The following GALM variants were observed in gnomAD, a reference collection of about 807,000 sequenced individuals.
GALM encodes aldose 1-epimerase.
Under a neutral mutation model 37.4 loss-of-function variants are expected in GALM, and 43 were observed. The observed-to-expected ratio is 1.15, with a 90% confidence interval of 0.90 to 1.48. The LOEUF is 1.48. GALM is among the 40% of genes most tolerant of loss of function. The pLI is 0.00. For synonymous variants in GALM, 199 were observed against 170.6 expected (o/e 1.17, Z -1.30); for missense variants, 456 against 419.1 (o/e 1.09, Z -0.77).
intron 4 of GALM, among the ~76,000 whole-genome samples, chr2:38,699,724 A>G (rs1665878973): frequency 4.6e-5 from 7 of 152,154 alleles, no homozygotes; most frequent in Admixed American, 4.6e-4. Flanking sequence ...ATTTCTGTGT[A>G]TTTGTACAAT....
At chr2:38,694,595 T>A (rs1388194552) in intron 4 of GALM, among the ~76,000 whole-genome samples, 5 of 152,046 alleles carry the variant, frequency 3.3e-5, no homozygotes, top group African/African-American at 1.2e-4. Context: ...CTTGTCAGTC[T>A]GACAAGAAAG....
In GALM at chr2:38,703,049, G is replaced by C. The variant is rs180971551; in HGVS notation, c.634+13155G>C. 6.1e-3 allele frequency among the ~76,000 whole-genome samples: 340 copies of C among 55,826 alleles called. 8 individuals are homozygous for C. The highest frequency in any genetic ancestry group is 0.021 in the African/African-American group (305 of 14,434). The allele number at this position is 55,826 out of a possible 152,430, so 36.6% of individuals were successfully genotyped here. On this transcript the variant is annotated intron_variant, in intron 4 of 6. Coordinates refer to ENST00000272252, the MANE Select transcript of GALM (RefSeq NM_138801.3). ...GGAGGCTGAGGTGGGATGATATGTGGGATTTTATATATATATATATATATA... is the reference window on the plus strand; with the variant it reads ...GGAGGCTGAGGTGGGATGATATGTGCGATTTTATATATATATATATATATA...
intron 4 of GALM, chr2:38,698,526 AG>A: frequency 1.1e-5 from 7 of 615,306 alleles, no homozygotes; most frequent in Non-Finnish European, 1.5e-5. Flanking sequence ...AAAAAAAAAA[AG>A]GAAAAAAATG....
chr2:38,709,819 C>A (rs150920776), intron 4 of GALM, among the ~76,000 whole-genome samples: 2,701 of 152,308 alleles, frequency 0.018, 82 homozygotes, highest in African/African-American at 0.061. Flanking sequence ...TAACAACAGG[C>A]ATTCTAGAGA....
chr2:38,730,851 G>A (rs1040562646), intron 5 of GALM, among the ~76,000 whole-genome samples: 3 of 151,738 alleles, frequency 2.0e-5, no homozygotes, highest in Admixed American at 2.0e-4. Context: ...AACCCAGGGG[G>A]TGGAAGTTGT....
At chr2:38,731,084 G>A (rs1035552379) in intron 5 of GALM, among the ~76,000 whole-genome samples, 5 of 151,696 alleles carry the variant, frequency 3.3e-5, no homozygotes, top group African/African-American at 4.9e-5. Flanking sequence ...AAAATTAGCC[G>A]GATGTGGTGG....
chr2:38,718,353 C>T (rs1178439403), intron 4 of GALM, among the ~76,000 whole-genome samples: 2 of 151,458 alleles, frequency 1.3e-5, no homozygotes, highest in Non-Finnish European at 2.9e-5. Context: ...GTGCCACCAC[C>T]TCGCCCAGCT....
intron 4 of GALM, among the ~76,000 whole-genome samples, chr2:38,699,068 C>T (rs1423966795): frequency 2.6e-5 from 4 of 152,106 alleles, no homozygotes; most frequent in Admixed American, 2.6e-4. Flanking sequence ...CGCCCACCAC[C>T]ATGCCCAGCT....
chr2:38,681,184 AT>A, intron 2 of GALM, 95 bp from the exon 3 acceptor site: 1 of 1,028,326 alleles, frequency 9.7e-7, no homozygotes, highest in Admixed American at 1.8e-5. Context: ...TTGTATAACC[AT>A]TTTCCTTGTG....
At chr2:38,668,842 G>A (rs1238004706) in intron 1 of GALM, 1 of 151,616 alleles carries the variant, frequency 6.6e-6, no homozygotes, top group African/African-American at 2.4e-5. Flanking sequence ...CAGAATAAGG[G>A]GTTATCTTGA....
chr2:38,733,105 C>T (rs1666639678), intron 6 of GALM, among the ~76,000 whole-genome samples: 1 of 151,378 alleles, frequency 6.6e-6, no homozygotes, highest in African/African-American at 2.4e-5. Context: ...CCTGTGATCC[C>T]AGCTACTCTG....
chr2:38,685,223 T>C (rs778295145), intron 3 of GALM, among the ~76,000 whole-genome samples: 1 of 152,192 alleles, frequency 6.6e-6, no homozygotes, highest in Non-Finnish European at 1.5e-5. Flanking sequence ...GCCATGATGA[T>C]TGGCTTAGAC....
chr2:38,713,771 G>T (rs1438457314), intron 4 of GALM, among the ~76,000 whole-genome samples: 1 of 152,054 alleles, frequency 6.6e-6, no homozygotes, highest in Non-Finnish European at 1.5e-5. Context: ...TGGGCATGGT[G>T]GCACACACCT....
intron 1 of GALM, among the ~76,000 whole-genome samples, chr2:38,670,418 G>T (rs1371616171): frequency 6.6e-6 from 1 of 151,904 alleles, no homozygotes; most frequent in African/African-American, 2.4e-5. Context: ...CAGGGATGAG[G>T]AAAAAAAAGG....
intron 4 of GALM, among the ~76,000 whole-genome samples, chr2:38,694,913 C>G (rs7583347): frequency 7.5e-6 from 1 of 132,982 alleles, no homozygotes; most frequent in African/African-American, 3.0e-5. Context: ...AAAAAAAAAA[C>G]AAAAAAAGAA....
chr2:38,703,315 AG>A (rs1381413348), intron 4 of GALM, among the ~76,000 whole-genome samples: 1 of 150,664 alleles, frequency 6.6e-6, no homozygotes, highest in Non-Finnish European at 1.5e-5. Context: ...CATGTTGGTC[AG>A]GCTGGTCTCT....
chr2:38,682,561 C>T lies in GALM; in HGVS notation c.552+1075C>T, dbSNP rs556510820. Among the ~76,000 whole-genome samples the T allele has an allele frequency of 3.9e-5, 6 of 152,262 alleles. No homozygotes were observed. The East Asian group carries it at 5.8e-4, about 15-fold the overall frequency. On this transcript the variant is annotated intron_variant, in intron 3 of 6. Coordinates refer to ENST00000272252, the MANE Select transcript of GALM (RefSeq NM_138801.3). The stretch of plus-strand genomic sequence containing the variant: ...TTTAAAAAAGTTGACCCTTCACTTG[C>T]GGGTTCCTTATCCTCAGGAACTTTC...
intron 4 of GALM, among the ~76,000 whole-genome samples, chr2:38,724,583 C>T (rs1213558113): frequency 6.6e-6 from 1 of 152,146 alleles, no homozygotes; most frequent in African/African-American, 2.4e-5. Context: ...CCAAGTGTGT[C>T]AGTGCATGAG....
intron 4 of GALM, among the ~76,000 whole-genome samples, chr2:38,721,969 C>T (rs950250094): frequency 2.0e-5 from 3 of 150,926 alleles, no homozygotes; most frequent in Non-Finnish European, 4.4e-5. Flanking sequence ...ACCACAAGAA[C>T]ATACAGTTCT....
Sources: allele counts gnomAD v4.1 joint callset (sites outside exome capture counted in the v4.1 genomes callset), GRCh38; gene constraint gnomAD v4.1.1; transcripts MANE v1.5; gene names NCBI Gene and HGNC (gene_info 2026-07-23, HGNC 2026-07-21).